The following HSD17B12 variants were observed in gnomAD, a reference collection of about 807,000 sequenced individuals.
The protein encoded by HSD17B12 is very-long-chain 3-oxoacyl-CoA reductase.
A neutral mutation model predicts 39.3 loss-of-function variants in HSD17B12; 32 were observed. The ratio of observed to expected loss-of-function variants is 0.81; its 90% CI spans 0.61 to 1.09. The LOEUF (loss-of-function observed/expected upper bound fraction) is 1.09. Ranked by LOEUF, HSD17B12 falls within the 50% of genes least tolerant of loss-of-function variation. The probability of loss-of-function intolerance (pLI) is 0.00; values close to 1 mark genes in which losing one functional copy is unlikely to be tolerated. For missense variants in HSD17B12, 342 were observed against 382.9 expected, an observed-to-expected ratio of 0.89 and a Z score of 0.89; for synonymous variants, 150 against 146.7, an observed-to-expected ratio of 1.02 and a Z score of -0.16.
At chr11:43,732,462 C>T (rs966995301) in intron 1 of HSD17B12, among the ~76,000 whole-genome samples, 13 of 151,246 alleles carry the variant, frequency 8.6e-5, no homozygotes, top group African/African-American at 4.9e-5. Flanking sequence ...TTGCAGTCAG[C>T]GGTGGATCTT....
chr11:43,696,646 G>A (rs986535545), intron 1 of HSD17B12, among the ~76,000 whole-genome samples: 2 of 152,072 alleles, frequency 1.3e-5, no homozygotes, highest in African/African-American at 4.8e-5. Flanking sequence ...TACCATGTGA[G>A]CAATCCCATT....
the HSD17B12 span, among the ~76,000 whole-genome samples, chr11:43,608,481 C>T: frequency 2.4e-3 from 363 of 152,198 alleles, 1 homozygote; most frequent in African/African-American, 7.9e-3. Context: ...TATAACCCTA[C>T]CACCCAGAGC....
At chr11:43,581,474 G>A in the HSD17B12 span, 2 of 509,180 alleles carry the variant, frequency 3.9e-6, no homozygotes, top group African/African-American at 1.9e-5. This position sits in a 1 kb window ranked among gnomAD's most constrained non-coding sequence, Gnocchi z 4.9. Flanking sequence ...AAAAGCATTT[G>A]CGGAGGGCGC....
chr11:43,747,823 G>A (rs1019736959), intron 1 of HSD17B12, among the ~76,000 whole-genome samples: 1 of 152,160 alleles, frequency 6.6e-6, no homozygotes, highest in Admixed American at 6.5e-5. Context: ...TCAATAAAAA[G>A]TGTGGAGACC....
intron 4 of HSD17B12, among the ~76,000 whole-genome samples, chr11:43,802,932 T>C (rs1257074651): frequency 6.6e-6 from 1 of 152,244 alleles, no homozygotes; most frequent in African/African-American, 2.4e-5. Context: ...AATGTTTACA[T>C]AATCCTTTAA....
the HSD17B12 span, among the ~76,000 whole-genome samples, chr11:43,633,942 C>T: frequency 7.3e-5 from 11 of 151,618 alleles, no homozygotes; most frequent in South Asian, 8.4e-4. Flanking sequence ...GGCATGGTGG[C>T]GCATGCCTGT....
At chr11:43,610,795 T>G in the HSD17B12 span, among the ~76,000 whole-genome samples, 6 of 152,156 alleles carry the variant, frequency 3.9e-5, no homozygotes, top group Non-Finnish European at 8.8e-5. Flanking sequence ...TATCCATCAG[T>G]GGAATGTGTG....
chr11:43,605,160 A>G, the HSD17B12 span, among the ~76,000 whole-genome samples: 1 of 152,162 alleles, frequency 6.6e-6, no homozygotes, highest in Non-Finnish European at 1.5e-5. Context: ...CTGGAAGGAT[A>G]AAGAGCCATG....
chr11:43,646,588 A>G, the HSD17B12 span, among the ~76,000 whole-genome samples: 1 of 152,214 alleles, frequency 6.6e-6, no homozygotes, highest in Non-Finnish European at 1.5e-5. Context: ...GGCTTGAGTT[A>G]AACAGAACAA....
intron 1 of HSD17B12, among the ~76,000 whole-genome samples, chr11:43,719,972 C>T (rs954574060): frequency 1.3e-5 from 2 of 152,150 alleles, no homozygotes; most frequent in Non-Finnish European, 2.9e-5. Context: ...TCCCAAAAGC[C>T]ACATTTATAA....
intron 1 of HSD17B12, among the ~76,000 whole-genome samples, chr11:43,701,599 A>G (rs1247687608): frequency 6.6e-6 from 1 of 151,842 alleles, no homozygotes; most frequent in Non-Finnish European, 1.5e-5. Context: ...GACTGTCTTC[A>G]GTATATTCTT....
the HSD17B12 span, among the ~76,000 whole-genome samples, chr11:43,581,023 A>G: frequency 6.6e-6 from 1 of 152,136 alleles, no homozygotes; most frequent in African/African-American, 2.4e-5. This position sits in a 1 kb window ranked among gnomAD's most constrained non-coding sequence, Gnocchi z 4.9. Flanking sequence ...GTACCTGTTC[A>G]GAGATCCGCG....
chr11:43,718,831 A>G lies in HSD17B12; in HGVS notation c.161-32080A>G, dbSNP rs541070836. 1.3e-5 allele frequency: 11 copies of G among 875,828 alleles called. No homozygotes were observed. The South Asian group carries it at 1.4e-4, about 11-fold the overall frequency. The allele number at this position is 875,828 out of a possible 1,614,324, so 54.3% of individuals were successfully genotyped here. A position where few individuals can be genotyped will look rare whatever the true frequency, so the allele number is the denominator to read the frequency against. On this transcript the variant is annotated intron_variant, in intron 1 of 10. Coordinates refer to ENST00000278353, the MANE Select transcript of HSD17B12 (RefSeq NM_016142.3). ...CCGCCTTCTGGTGGCCCAAGACACC[A>G]CGACTCCGGAAGCAGCCCAAATATC... is the stretch of plus-strand genomic sequence containing the variant.
chr11:43,692,116 T>C (rs771638363), intron 1 of HSD17B12, among the ~76,000 whole-genome samples: 3 of 152,232 alleles, frequency 2.0e-5, no homozygotes, highest in African/African-American at 4.8e-5. Flanking sequence ...TGTGTGCATG[T>C]ATCACTTCAT....
At chr11:43,807,026 T>C (rs1356266011) in intron 4 of HSD17B12, among the ~76,000 whole-genome samples, 1 of 107,274 alleles carries the variant, frequency 9.3e-6, no homozygotes, top group Non-Finnish European at 2.1e-5. Context: ...TATCAGGAAA[T>C]TCCAGTGGTT....
At chr11:43,619,230 T>TATATATATATATAAAATATATATATATG in the HSD17B12 span, among the ~76,000 whole-genome samples, 10 of 18,894 alleles carry the variant, frequency 5.3e-4, no homozygotes, top group Admixed American at 1.9e-3. Flanking sequence ...ATATATATGA[T>TATATATATATATAAAATATATATATATG]ATATATATAT....
At chr11:43,825,003 C>T (rs1333493198) in intron 6 of HSD17B12, among the ~76,000 whole-genome samples, 1 of 151,932 alleles carries the variant, frequency 6.6e-6, no homozygotes, top group African/African-American at 2.4e-5. Flanking sequence ...TGGTGGCTCA[C>T]ACCTGTGGTC....
chr11:43,640,261 T>A, the HSD17B12 span, among the ~76,000 whole-genome samples: 5,921 of 152,136 alleles, frequency 0.039, 177 homozygotes, highest in South Asian at 0.11. Context: ...AAGTAGTAGA[T>A]CCTTATGGGG....
At chr11:43,737,877 T>A (rs1950330482) in intron 1 of HSD17B12, among the ~76,000 whole-genome samples, 1 of 151,996 alleles carries the variant, frequency 6.6e-6, no homozygotes, top group East Asian at 1.9e-4. Flanking sequence ...ATCGAGACCA[T>A]CCTGGCTAAC....
Sources: gnomAD v4.1 joint callset for allele counts (sites outside exome capture counted in the v4.1 genomes callset) on GRCh38, gnomAD v4.1.1 for gene constraint, Gnocchi (gnomAD v3.1) non-coding constraint, MANE v1.5 for transcripts, NCBI Gene and HGNC (gene_info 2026-07-23, HGNC 2026-07-21) for gene names.